The following RSRC1 variants were observed in gnomAD, a reference collection of about 807,000 sequenced individuals.
RSRC1 encodes the protein arginine and serine rich coiled-coil 1.
In RSRC1, 39 loss-of-function variants were observed where a neutral mutation model predicts 49.1. That is an observed-to-expected ratio of 0.79 (90% CI 0.61 to 1.04). The LOEUF is 1.04. Ranked by LOEUF, RSRC1 falls within the 50% of genes least tolerant of loss-of-function variation. RSRC1 has a pLI of 0.00. For synonymous variants in RSRC1, 143 were observed against 130.8 expected, an observed-to-expected ratio of 1.09 and a Z score of -0.63; for missense variants, 388 against 402.4, an observed-to-expected ratio of 0.96 and a Z score of 0.31.
intron 4 of RSRC1, among the ~76,000 whole-genome samples, chr3:158,288,718 G>A (rs192677934): frequency 1.0e-3 from 153 of 151,756 alleles, no homozygotes; most frequent in African/African-American, 3.5e-3. Context: ...TATCTAGATT[G>A]CTTATAATAC....
chr3:158,414,723 T>G (rs192186057), intron 6 of RSRC1, among the ~76,000 whole-genome samples: 3,045 of 150,482 alleles, frequency 0.02, 84 homozygotes, highest in African/African-American at 0.072. Context: ...CTCTGTTTCT[T>G]AGAAAAAAAA....
At position 158,144,704 on chromosome 3, in the gene RSRC1, C is replaced by T. The variant is rs569583984; in HGVS notation, c.320+20713C>T. Among the ~76,000 whole-genome samples, 6 of 152,286 alleles carry T rather than the reference C, an allele frequency of 3.9e-5. No individual in the cohort carries two copies. The South Asian group carries it at 6.2e-4, about 16-fold the overall frequency. ...TTCTAGTTCTAGATCCCTGAAGAAT[C>T]GCCACACTGACTTCCACAATGGTTG... On this transcript the variant is annotated intron_variant, in intron 3 of 9. Transcript: ENST00000611884.
intron 3 of RSRC1, among the ~76,000 whole-genome samples, chr3:158,199,895 A>G (rs1212765520): frequency 6.6e-6 from 1 of 152,166 alleles, no homozygotes; most frequent in African/African-American, 2.4e-5. Flanking sequence ...ATTTCTGCCT[A>G]TGAATTGACC....
chr3:158,433,282 A>G (rs1224981736), intron 6 of RSRC1, among the ~76,000 whole-genome samples: 2 of 151,996 alleles, frequency 1.3e-5, no homozygotes, highest in African/African-American at 4.8e-5. Flanking sequence ...TGTGAAATTA[A>G]TTTCAGCCAG....
intron 7 of RSRC1, among the ~76,000 whole-genome samples, chr3:158,500,292 T>C (rs1025853320): frequency 2.0e-5 from 3 of 152,222 alleles, no homozygotes; most frequent in African/African-American, 7.2e-5. Context: ...CATTTTAGCA[T>C]CTATGTTCAT....
chr3:158,439,125 C>G (rs1736230807), intron 6 of RSRC1, among the ~76,000 whole-genome samples: 1 of 152,120 alleles, frequency 6.6e-6, no homozygotes, highest in African/African-American at 2.4e-5. Context: ...TACCATCTCA[C>G]ACCAGTTAGA....
chr3:158,460,942 T>G lies in RSRC1; in HGVS notation c.591T>G (p.Ala197=), dbSNP rs779540018. The change falls in exon 7 of 10, where the codon GCT becomes GCG. Residue 197 remains alanine (A), a synonymous_variant. Coordinates refer to ENST00000611884, the MANE Select transcript of RSRC1 (RefSeq NM_001271838.2). Reference sequence around the variant, plus strand: ...GTATTGTTTTTGTTTCAGCAAAAGCTGATGAAGCATTGAAAGCCAAAGAAA... The same window carrying G: ...GTATTGTTTTTGTTTCAGCAAAAGCGGATGAAGCATTGAAAGCCAAAGAAA... ...LQLVLEAAAK[A]DEALKAKERN... is the part of the protein sequence containing the mutation. 4.4e-6 allele frequency: 7 copies of G among 1,591,104 alleles called. No homozygotes were observed. Among genetic ancestry groups the G allele is most frequent in the Middle Eastern group, 1.7e-4 (1 of 6,018 alleles).
At chr3:158,180,283 TTTCTCATA>T (rs1719499450) in intron 3 of RSRC1, among the ~76,000 whole-genome samples, 2 of 151,970 alleles carry the variant, frequency 1.3e-5, no homozygotes, top group South Asian at 4.1e-4. Flanking sequence ...CCAAGAATTG[TTTCTCATA>T]TGTTTTCTTT....
At chr3:158,437,341 C>T (rs556299191) in intron 6 of RSRC1, among the ~76,000 whole-genome samples, 1 of 152,110 alleles carries the variant, frequency 6.6e-6, no homozygotes, top group Admixed American at 6.6e-5. Context: ...ATTTAGTAAG[C>T]ACACATTGGC....
rs115164172 is a variant in RSRC1, at chr3:158,193,686, A to G, written c.321-9386A>G. Among the ~76,000 whole-genome samples, 1,215 of 152,220 alleles carry G rather than the reference A, an allele frequency of 8.0e-3. 10 individuals carry two copies. Among genetic ancestry groups the G allele is most frequent in the Non-Finnish European group, 0.014 (940 of 68,008 alleles). ...GAATTTAACTGATTATTGCTCAAAG[A>G]TTTTAGTAATCTGTTAAAATTTCCA... On this transcript the variant is annotated intron_variant, in intron 3 of 9. Coordinates refer to ENST00000611884, the MANE Select transcript of RSRC1 (RefSeq NM_001271838.2).
chr3:158,407,240 G>A lies in RSRC1; in HGVS notation c.583+52332G>A, dbSNP rs531381519. Among the ~76,000 whole-genome samples the A allele has an allele frequency of 1.0e-3, 152 of 152,190 alleles. 4 individuals carry two copies. Among genetic ancestry groups the A allele is most frequent in the South Asian group, 1.7e-3 (8 of 4,828 alleles). On this transcript the variant is annotated intron_variant, in intron 6 of 9. Coordinates refer to ENST00000611884, the MANE Select transcript of RSRC1 (RefSeq NM_001271838.2). Reference sequence around the variant, plus strand: ...TTAAACATATTTGCCAGAAACACAGGCTCCAAATGCCTTCGTCTTAAAATG... The same window carrying A: ...TTAAACATATTTGCCAGAAACACAGACTCCAAATGCCTTCGTCTTAAAATG...
intron 7 of RSRC1, among the ~76,000 whole-genome samples, chr3:158,464,558 G>A (rs1737781674): frequency 6.6e-6 from 1 of 151,986 alleles, no homozygotes; most frequent in South Asian, 2.1e-4. Flanking sequence ...TAAAGACAGA[G>A]CAGTCCTCAA....
chr3:158,122,293 T>C lies in RSRC1; in HGVS notation c.189T>C (p.Asp63=), dbSNP rs778442532. ...TTCAGCCTCGTTCACATTCTTATGA[T>C]AGAAGGTGATTTTTGTAATTTTTAT... ...RDLQPRSHSY[D]RRRRHRSSSS... is the part of the protein sequence containing the mutation. The change falls in exon 2 of 10, where the codon GAT becomes GAC. Residue 63 remains aspartate (D), a synonymous_variant. Transcript: ENST00000611884. 3 of 1,553,848 alleles carry C rather than the reference T, an allele frequency of 1.9e-6. No individual in the cohort carries two copies. The highest frequency in any genetic ancestry group is 2.0e-5 in the Admixed American group (1 of 49,058).
intron 6 of RSRC1, among the ~76,000 whole-genome samples, chr3:158,424,692 G>T (rs1480575445): frequency 6.6e-6 from 1 of 151,996 alleles, no homozygotes; most frequent in African/African-American, 2.4e-5. Context: ...GAATTCGGCT[G>T]TGAATCCATC....
At chr3:158,325,073 G>A (rs552483964) in intron 5 of RSRC1, among the ~76,000 whole-genome samples, 113 of 152,054 alleles carry the variant, frequency 7.4e-4, no homozygotes, top group African/African-American at 2.6e-3. Flanking sequence ...ACTTGTTGAT[G>A]GGGTTGTTTT....
intron 4 of RSRC1, among the ~76,000 whole-genome samples, chr3:158,205,093 T>G (rs1721274353): frequency 6.6e-6 from 1 of 152,180 alleles, no homozygotes; most frequent in South Asian, 2.1e-4. Flanking sequence ...TTGTCGTTAT[T>G]TCTTAACATT....
chr3:158,226,679 C>T (rs984728972), intron 4 of RSRC1, among the ~76,000 whole-genome samples: 1 of 151,860 alleles, frequency 6.6e-6, no homozygotes, highest in Non-Finnish European at 1.5e-5. Context: ...TAGGGGTGTG[C>T]AGTTCTGAGT....
At chr3:158,484,431 G>T (rs1435689836) in intron 7 of RSRC1, among the ~76,000 whole-genome samples, 2 of 152,092 alleles carry the variant, frequency 1.3e-5, no homozygotes, top group Non-Finnish European at 2.9e-5. Context: ...ATTTTTAAAT[G>T]AAAATAAGTA....
intron 7 of RSRC1, among the ~76,000 whole-genome samples, chr3:158,528,532 AC>A (rs1475054798): frequency 6.6e-6 from 1 of 151,908 alleles, no homozygotes; most frequent in African/African-American, 2.4e-5. Context: ...AGCTCTCCTG[AC>A]AGGCGAGTTG....
Sources: allele counts gnomAD v4.1 joint callset (sites outside exome capture counted in the v4.1 genomes callset), GRCh38; gene constraint gnomAD v4.1.1; transcripts MANE v1.5; gene names NCBI Gene and HGNC (gene_info 2026-07-23, HGNC 2026-07-21).